The following ZXDC variants were observed in gnomAD, a reference collection of about 807,000 sequenced individuals.
ZXDC encodes the protein ZXD family zinc finger C, also known as zinc finger protein ZXDC.
Under a neutral mutation model 63.6 loss-of-function variants are expected in ZXDC, and 58 were observed. The observed-to-expected ratio is 0.91, with a 90% CI of 0.74 to 1.13. The LOEUF (loss-of-function observed/expected upper bound fraction) is 1.13. Among genes scored for constraint, ZXDC ranks in the 50% most tolerant of loss-of-function variants. ZXDC has a pLI of 0.00. For missense variants in ZXDC, 1,133 were observed against 1,148.9 expected (o/e 0.99, Z 0.20); for synonymous variants, 561 against 496.1 (o/e 1.13, Z -1.74).
chr3:126,454,980 G>C (rs1356681534), intron 7 of ZXDC: 11 of 985,264 alleles, frequency 1.1e-5, no homozygotes, highest in Non-Finnish European at 1.3e-5. Context: ...CATTTCCTAA[G>C]AACTGACGTG....
At position 126,474,993 on chromosome 3, in the gene ZXDC, G is replaced by T. The variant is rs1163565698; in HGVS notation, c.873C>A (p.Phe291Leu). The change falls in exon 1 of 10, where the codon TTC (phenylalanine) becomes TTA (leucine). Residue 291 changes from phenylalanine (F) to leucine (L), a missense_variant. Phe to Leu is a conservative substitution (Grantham distance 22, BLOSUM62 0). Transcript: ENST00000389709. Reference protein sequence around the residue: ...AKLSSHQRSHFEPERPYKCDF... With the variant: ...AKLSSHQRSHLEPERPYKCDF... ...CACACTTGTAAGGGCGCTCGGGCTCGAAGTGGCTGCGCTGGTGGGAGCTGA... is the reference window on the plus strand; with the variant it reads ...CACACTTGTAAGGGCGCTCGGGCTCTAAGTGGCTGCGCTGGTGGGAGCTGA... The T allele has an allele frequency of 6.3e-7, 1 of 1,594,026 alleles. No homozygotes were observed. The highest frequency in any genetic ancestry group is 1.1e-5 in the South Asian group (1 of 88,184).
chr3:126,439,780 G>T (rs959907182), intron 8 of ZXDC, 53 bp from the exon 9 acceptor site: 3 of 1,516,964 alleles, frequency 2.0e-6, no homozygotes, highest in Admixed American at 2.1e-5. Flanking sequence ...GTGCAGCAAA[G>T]GTCCTCGTCT....
chr3:126,442,053 T>C, intron 7 of ZXDC, 107 bp from the exon 8 acceptor site: 1 of 1,298,120 alleles, frequency 7.7e-7, no homozygotes, highest in Non-Finnish European at 1.0e-6. Flanking sequence ...TTAATTGTCA[T>C]TCTGCACAGC....
chr3:126,467,753 G>A (rs1934828993), intron 4 of ZXDC, among the ~76,000 whole-genome samples: 2 of 152,074 alleles, frequency 1.3e-5, no homozygotes, highest in Non-Finnish European at 2.9e-5. Context: ...TGCTCACCAT[G>A]GTACACAGGG....
chr3:126,440,386 T>C (rs1933631113), intron 8 of ZXDC: 1 of 985,600 alleles, frequency 1.0e-6, no homozygotes, highest in Non-Finnish European at 1.2e-6. Flanking sequence ...ACTGTTCCCA[T>C]TTCATAGATG....
intron 1 of ZXDC, 152 bp from the exon 2 acceptor site, chr3:126,472,457 T>C: frequency 4.0e-6 from 4 of 1,006,462 alleles, no homozygotes; most frequent in Non-Finnish European, 5.6e-6. Flanking sequence ...AGACCATTAA[T>C]GCTTGGCTTT....
In ZXDC at chr3:126,475,281, G is replaced by A. The variant is rs776093226; in HGVS notation, c.585C>T (p.His195=). Reference sequence around the variant, plus strand: ...CCTGACCGCCGCCGTGCGTGAGCAGGTGCACCTTGAGCTGGTGCTTCTTGG... The same window carrying A: ...CCTGACCGCCGCCGTGCGTGAGCAGATGCACCTTGAGCTGGTGCTTCTTGG... ...AFAKKHQLKV[H]LLTHGGGQGR... The change falls in exon 1 of 10, where the codon CAC becomes CAT. Residue 195 remains histidine (H), a synonymous_variant. Coordinates refer to ENST00000389709, the MANE Select transcript of ZXDC (RefSeq NM_025112.5). 7.1e-6 allele frequency: 11 copies of A among 1,551,954 alleles called. No individual in the cohort carries two copies. The highest frequency in any genetic ancestry group is 2.4e-5 in the East Asian group (1 of 41,012).
intron 6 of ZXDC, 175 bp downstream of exon 6, chr3:126,461,360 G>A: frequency 1.4e-6 from 2 of 1,409,572 alleles, no homozygotes; most frequent in South Asian, 1.7e-5. Context: ...GCTCAGATGG[G>A]TTAAGGTGAT....
At position 126,475,165 on chromosome 3, in the gene ZXDC, T is replaced by G. The variant is rs754571155; in HGVS notation, c.701A>C (p.Lys234Thr). ...CACTGGACAGCCGAAGGGCCGCAGCTTGTCGTGCGACTGCAGGTGCCGCTT... is the reference window on the plus strand; with the variant it reads ...CACTGGACAGCCGAAGGGCCGCAGCGTGTCGTGCGACTGCAGGTGCCGCTT... ...KLKRHLQSHD[K>T]LRPFGCPVGG... Residue 234 changes from lysine (K) to threonine (T), a missense_variant, in exon 1 of 10, where the codon AAG becomes ACG. Lys to Thr is a moderately conservative substitution (Grantham distance 78). Transcript: ENST00000389709. 2 of 1,603,990 alleles carry G rather than the reference T, an allele frequency of 1.2e-6. No homozygotes were observed. Among genetic ancestry groups the G allele is most frequent in the Non-Finnish European group, 1.7e-6 (2 of 1,175,326 alleles).
chr3:126,455,306 C>T (rs896004894), intron 7 of ZXDC, among the ~76,000 whole-genome samples: 2 of 152,110 alleles, frequency 1.3e-5, no homozygotes, highest in African/African-American at 2.4e-5. Context: ...AATATATGTA[C>T]CATATTATCT....
chr3:126,447,523 A>G (rs575119197), intron 7 of ZXDC, among the ~76,000 whole-genome samples: 140 of 152,222 alleles, frequency 9.2e-4, no homozygotes, highest in Admixed American at 2.1e-3. Flanking sequence ...TCTCCTTTCT[A>G]TTTGATTCTG....
intron 7 of ZXDC, chr3:126,453,309 G>GAGGGCCT (rs1934182025): frequency 1.0e-6 from 1 of 985,284 alleles, no homozygotes. Context: ...AAAGGAAAAT[G>GAGGGCCT]AGGGCCTAGG....
intron 7 of ZXDC, among the ~76,000 whole-genome samples, chr3:126,445,822 A>G (rs1933863780): frequency 6.6e-6 from 1 of 152,122 alleles, no homozygotes; most frequent in Non-Finnish European, 1.5e-5. Flanking sequence ...CTGTCCTAGA[A>G]TCCCTGACGG....
At chr3:126,452,306 G>C in intron 7 of ZXDC, 1 of 985,368 alleles carries the variant, frequency 1.0e-6, no homozygotes, top group Non-Finnish European at 1.2e-6. Flanking sequence ...AACCTGCTTG[G>C]ACTTCTGCAT....
rs770782849 is a variant in ZXDC at position 126,466,329 on chromosome 3, G to T, written c.1271-4C>A. ...GCGGAGAACCTCGCGCAACATCCTG[G>T]AACAAAAAGAGTAATGAGAGTGAAA... On this transcript the variant is annotated splice_polypyrimidine_tract_variant and splice_region_variant and intron_variant, in intron 4 of 9. Coordinates refer to ENST00000389709, the MANE Select transcript of ZXDC (RefSeq NM_025112.5). The T allele has an allele frequency of 1.2e-6, 2 of 1,613,764 alleles. No individual in the cohort carries two copies. The highest frequency in any genetic ancestry group is 2.2e-5 in the South Asian group (2 of 91,048).
rs932753643 is a variant in ZXDC, at chr3:126,458,601, C to T, written c.2212+1052G>A. 1.1e-5 allele frequency: 11 copies of T among 985,128 alleles called. No individual in the cohort carries two copies. The African/African-American group carries it at 1.9e-4, about 17-fold the overall frequency. The allele number at this position is 985,128 out of a possible 1,614,324, so 61.0% of individuals were successfully genotyped here. A position where few individuals can be genotyped will look rare whatever the true frequency, so the allele number is the denominator to read the frequency against. On this transcript the variant is annotated intron_variant, in intron 7 of 9. Coordinates refer to ENST00000389709, the MANE Select transcript of ZXDC (RefSeq NM_025112.5). Reference sequence around the variant, plus strand: ...CAAAAACAGTAATGAAAACATCAAACCTCCTTTATAGATAGTACTCCAAAG... The same window carrying T: ...CAAAAACAGTAATGAAAACATCAAATCTCCTTTATAGATAGTACTCCAAAG...
chr3:126,461,625 A>G lies in ZXDC; in HGVS notation c.2037T>C (p.His679=), dbSNP rs889214430. The G allele has an allele frequency of 6.8e-6, 11 of 1,613,374 alleles. No homozygotes were observed. In the Admixed American group the frequency reaches 8.4e-5, roughly 12 times the overall value. ...TGGGCAACGTGGACTGGGGCAGCCC[A>G]TGGCTTCCTTCCTGCTGCCCAACTG... ...PGAVGQQEGS[H]GLPQSTLPSP... The change falls in exon 6 of 10, where the codon CAT becomes CAC. Residue 679 remains histidine, a synonymous_variant. Transcript: ENST00000389709.
In ZXDC at chr3:126,462,156, G is replaced by C. The variant is rs781730925; in HGVS notation, c.1506C>G (p.Gly502=). The C allele has an allele frequency of 1.6e-5, 25 of 1,612,104 alleles. No homozygotes were observed. The highest frequency in any genetic ancestry group is 1.9e-5 in the Non-Finnish European group (23 of 1,180,004). Residue 502 remains glycine, a synonymous_variant, in exon 6 of 10, where the codon GGC becomes GGG. Coordinates refer to ENST00000389709, the MANE Select transcript of ZXDC (RefSeq NM_025112.5). The part of the protein sequence containing the change: ...LTPSSELSSP[G]QSELTNMDLA... ...GATCCATGTTAGTGAGCTCACTTTGGCCTGGGCTGCTGAGTTCACTGCTGG... is the reference window on the plus strand; with the variant it reads ...GATCCATGTTAGTGAGCTCACTTTGCCCTGGGCTGCTGAGTTCACTGCTGG...
Position 126,461,804 on chromosome 3 carries a change from A to G in ZXDC, c.1858T>C (p.Leu620=), listed in dbSNP as rs1934556771. The G allele has an allele frequency of 5.0e-6, 8 of 1,614,054 alleles. No individual in the cohort carries two copies. The highest frequency in any genetic ancestry group is 6.8e-6 in the Non-Finnish European group (8 of 1,180,010). ...GCLVALPMKN[L]SDDPLALTSN... ...GTCAAAGCCAGTGGGTCGTCACTCA[A>G]GTTCTTCATGGGCAGAGCCACCAGA... is the stretch of plus-strand genomic sequence containing the variant. Residue 620 remains leucine, a synonymous_variant, in exon 6 of 10, where the codon TTG becomes CTG. Transcript: ENST00000389709.
Sources: allele counts gnomAD v4.1 joint callset (sites outside exome capture counted in the v4.1 genomes callset), GRCh38; gene constraint gnomAD v4.1.1; transcripts MANE v1.5; gene names NCBI Gene and HGNC (gene_info 2026-07-23, HGNC 2026-07-21).